Variants in ZNF273 observed in about 807,000 individuals in gnomAD.
The protein encoded by ZNF273 is zinc finger protein 273, also known as zinc finger protein 9.
In ZNF273, 11 loss-of-function variants were observed where a neutral mutation model predicts 14.9. The observed-to-expected ratio is 0.74, with a 90% confidence interval of 0.46 to 1.22. ZNF273 has a LOEUF of 1.22. Ranked by LOEUF, ZNF273 falls within the 50% of genes most tolerant of loss-of-function variation. The probability of loss-of-function intolerance (pLI) is 0.00; values close to 1 mark genes in which losing one functional copy is unlikely to be tolerated. For synonymous variants in ZNF273, 199 were observed against 223.9 expected, an observed-to-expected ratio of 0.89 and a Z score of 0.99; for missense variants, 577 against 660.6, an observed-to-expected ratio of 0.87 and a Z score of 1.39.
In ZNF273 at chr7:64,927,634, G is replaced by T. The variant is rs536588677; in HGVS notation, c.326-20G>T. 22 of 1,536,944 alleles carry T rather than the reference G, an allele frequency of 1.4e-5. No individual in the cohort carries two copies. In the East Asian group the frequency reaches 4.7e-4, roughly 33 times the overall value. ...TCTGAGTCTAGTAAGTGGGGTAATT[G>T]TTACTTTTATTTCTTTCAGTTGTGT... On this transcript the variant is annotated intron_variant, in intron 3 of 3. Transcript: ENST00000476120.
intron 3 of ZNF273, among the ~76,000 whole-genome samples, chr7:64,896,648 C>T (rs572285931): frequency 6.6e-6 from 1 of 151,926 alleles, no homozygotes; most frequent in African/African-American, 2.4e-5. Flanking sequence ...CTTATAGCTA[C>T]TATGTATAAA....
upstream of ZNF273, among the ~76,000 whole-genome samples, chr7:64,901,816 G>C (rs920477054): frequency 2.0e-5 from 3 of 151,874 alleles, no homozygotes; most frequent in African/African-American, 4.8e-5. Flanking sequence ...CGGGCACGAT[G>C]GCACATGCCG....
chr7:64,901,372 C>T (rs576385806), upstream of ZNF273, among the ~76,000 whole-genome samples: 14 of 152,270 alleles, frequency 9.2e-5, no homozygotes, highest in South Asian at 4.1e-4. Context: ...GTTTCTGTAA[C>T]GGATACTGTA....
chr7:64,912,826 G>GTTTTTTTTTTTGT (rs1793639865), intron 1 of ZNF273, among the ~76,000 whole-genome samples: 2 of 36,566 alleles, frequency 5.5e-5, no homozygotes, highest in African/African-American at 8.2e-5. Flanking sequence ...ATTCATTTTA[G>GTTTTTTTTTTTGT]TTTTTTTTTT....
At chr7:64,894,710 T>G (rs545616896), downstream of ZNF273, among the ~76,000 whole-genome samples, 1 of 152,350 alleles carries the variant, frequency 6.6e-6, no homozygotes, top group South Asian at 2.1e-4. Context: ...AAATACCAAC[T>G]ATTTTAATCA....
upstream of ZNF273, among the ~76,000 whole-genome samples, chr7:64,901,687 G>A (rs901161820): frequency 4.6e-5 from 7 of 152,216 alleles, no homozygotes; most frequent in East Asian, 1.4e-3. Context: ...TCTCTTAAAA[G>A]CACTTGTAAT....
chr7:64,906,828 A>G (rs536945709), intron 1 of ZNF273, among the ~76,000 whole-genome samples: 1 of 132,832 alleles, frequency 7.5e-6, no homozygotes, highest in East Asian at 2.1e-4. Flanking sequence ...AAATAAAACA[A>G]AGTTATGTAA....
chr7:64,902,051 CATATTTT>C (rs1263249699), upstream of ZNF273, among the ~76,000 whole-genome samples: 1 of 148,292 alleles, frequency 6.7e-6, no homozygotes, highest in African/African-American at 2.5e-5. Flanking sequence ...TATTATTATA[CATATTTT>C]ATATTATTAT....
At chr7:64,878,434 G>A (rs73132356) in exon 2 of ZNF273, 33,203 of 152,358 alleles carry the variant, frequency 0.22, 4,848 homozygotes, top group Non-Finnish European at 0.32. Flanking sequence ...AGCTTCAGGT[G>A]GGGAGGCGAG....
At chr7:64,901,617 C>G (rs552491587), upstream of ZNF273, among the ~76,000 whole-genome samples, 8 of 152,292 alleles carry the variant, frequency 5.3e-5, no homozygotes, top group East Asian at 1.2e-3. Context: ...ATTATTTCTT[C>G]CGTAAGTGAG....
intron 3 of ZNF273, among the ~76,000 whole-genome samples, 180 bp downstream of exon 3, chr7:64,918,472 C>T (rs928894896): frequency 6.6e-6 from 1 of 151,958 alleles, no homozygotes; most frequent in African/African-American, 2.4e-5. Flanking sequence ...AGCATCCTGA[C>T]CAACATGGTG....
intron 3 of ZNF273, among the ~76,000 whole-genome samples, chr7:64,918,707 G>A (rs370993986): frequency 1.4e-5 from 2 of 143,478 alleles, no homozygotes; most frequent in African/African-American, 5.1e-5. Flanking sequence ...GGGAAGCTGC[G>A]TTCAAAAAAA....
chr7:64,915,324 C>T (rs936887510), intron 1 of ZNF273, among the ~76,000 whole-genome samples: 1 of 152,080 alleles, frequency 6.6e-6, no homozygotes, highest in African/African-American at 2.4e-5. Context: ...TAAAGACACA[C>T]ACAGAAATAT....
chr7:64,921,992 A>G (rs561406216), intron 3 of ZNF273, among the ~76,000 whole-genome samples: 1 of 151,712 alleles, frequency 6.6e-6, no homozygotes, highest in South Asian at 2.1e-4. Flanking sequence ...TGCGGTTACT[A>G]TTTTCACGGA....
At chr7:64,923,784 G>GTACATA (rs1221828714) in intron 3 of ZNF273, 15 of 159,582 alleles carry the variant, frequency 9.4e-5, no homozygotes, top group Admixed American at 1.8e-4. Context: ...ATATGTGAAA[G>GTACATA]TATATATATG....
intron 3 of ZNF273, among the ~76,000 whole-genome samples, chr7:64,925,712 A>G (rs1368060830): frequency 5.3e-5 from 8 of 152,218 alleles, no homozygotes; most frequent in African/African-American, 1.9e-4. Flanking sequence ...TGCTGGAATT[A>G]CAGGCATGAG....
At chr7:64,909,546 C>G (rs989900851) in intron 1 of ZNF273, among the ~76,000 whole-genome samples, 4 of 152,082 alleles carry the variant, frequency 2.6e-5, no homozygotes, top group African/African-American at 9.7e-5. Flanking sequence ...TTTCTTTATC[C>G]GGTCTACTAT....
downstream of ZNF273, among the ~76,000 whole-genome samples, chr7:64,882,301 C>T (rs1287914176): frequency 6.7e-6 from 1 of 149,552 alleles, no homozygotes; most frequent in East Asian, 2.0e-4. Flanking sequence ...GGTCTCCAAT[C>T]GCCTCCTCCT....
chr7:64,883,690 A>G (rs957231211), downstream of ZNF273, among the ~76,000 whole-genome samples: 4 of 152,092 alleles, frequency 2.6e-5, no homozygotes, highest in African/African-American at 4.8e-5. Context: ...CCATCTCCCA[A>G]TTTCGGCTGT....
Sources: gnomAD v4.1 joint callset for allele counts (sites outside exome capture counted in the v4.1 genomes callset) on GRCh38, gnomAD v4.1.1 for gene constraint, MANE v1.5 for transcripts, NCBI Gene and HGNC (gene_info 2026-07-23, HGNC 2026-07-21) for gene names.